The following RBFOX1 variants were observed in gnomAD, a reference collection of about 807,000 sequenced individuals.
RBFOX1 encodes the protein RNA binding protein fox-1 homolog 1.
A neutral mutation model predicts 57.7 loss-of-function variants in RBFOX1; 8 were observed. The ratio of observed to expected loss-of-function variants is 0.14; its 90% CI spans 0.08 to 0.25. The LOEUF is 0.25. RBFOX1 is among the 10% of genes least tolerant of loss of function. The pLI is 1.00. For missense variants in RBFOX1, 611 were observed against 548.5 expected (o/e 1.11, Z -1.14); for synonymous variants, 326 against 222.4 (o/e 1.47, Z -4.15).
chr16:6,094,454 T>C (rs977321314), intron 1 of RBFOX1, among the ~76,000 whole-genome samples: 1 of 152,076 alleles, frequency 6.6e-6, no homozygotes, highest in East Asian at 1.9e-4. Context: ...AATTAATCAC[T>C]CTCTAAAGTC....
At chr16:5,593,282 G>A (rs2047069418) in intron 2 of RBFOX1, among the ~76,000 whole-genome samples, 1 of 151,030 alleles carries the variant, frequency 6.6e-6, no homozygotes, top group Non-Finnish European at 1.5e-5. Context: ...ATAAGTGGGA[G>A]TTGAACAATA....
chr16:5,243,199 G>C (rs1372965838), intron 1 of RBFOX1, among the ~76,000 whole-genome samples: 2 of 152,104 alleles, frequency 1.3e-5, no homozygotes, highest in Non-Finnish European at 2.9e-5. Context: ...CTAGGTATTT[G>C]GTTATCAACC....
intron 3 of RBFOX1, among the ~76,000 whole-genome samples, chr16:5,658,837 T>C (rs1040833592): frequency 1.3e-5 from 2 of 148,356 alleles, no homozygotes; most frequent in Non-Finnish European, 3.0e-5. Context: ...TATATGTATA[T>C]ATATAATATA....
intron 14 of RBFOX1, among the ~76,000 whole-genome samples, chr16:7,701,833 G>A (rs981235041): frequency 2.0e-5 from 3 of 152,192 alleles, no homozygotes; most frequent in Non-Finnish European, 4.4e-5. Flanking sequence ...AAGTGAACAG[G>A]AACATTTCCT....
At chr16:5,521,015 G>A (rs1221841648) in intron 2 of RBFOX1, among the ~76,000 whole-genome samples, 1 of 152,184 alleles carries the variant, frequency 6.6e-6, no homozygotes, top group Admixed American at 6.5e-5. Context: ...TGGAGATTTG[G>A]GGGACATCTG....
intron 3 of RBFOX1, among the ~76,000 whole-genome samples, chr16:5,841,776 C>G (rs1307096267): frequency 6.6e-6 from 1 of 152,192 alleles, no homozygotes; most frequent in Admixed American, 6.5e-5. Context: ...CCTGATGCAG[C>G]CCAGTTCTCA....
chr16:5,930,610 C>G (rs1320167971), intron 4 of RBFOX1, among the ~76,000 whole-genome samples: 9 of 30,710 alleles, frequency 2.9e-4, no homozygotes, highest in South Asian at 1.4e-3. Context: ...GGACGGGTGG[C>G]AGGGTGGATG....
At chr16:6,958,928 C>G (rs1311326658) in intron 3 of RBFOX1, among the ~76,000 whole-genome samples, 1 of 151,994 alleles carries the variant, frequency 6.6e-6, no homozygotes, top group Non-Finnish European at 1.5e-5. Context: ...ATTCTCCATC[C>G]TGACATAGGC....
intron 3 of RBFOX1, among the ~76,000 whole-genome samples, chr16:6,890,209 C>T (rs1490570089): frequency 6.6e-6 from 1 of 152,072 alleles, no homozygotes; most frequent in African/African-American, 2.4e-5. Context: ...TTTTGGTACC[C>T]TAAAATATTG....
At chr16:7,390,951 T>A (rs1016258187) in intron 4 of RBFOX1, among the ~76,000 whole-genome samples, 1 of 152,126 alleles carries the variant, frequency 6.6e-6, no homozygotes, top group Admixed American at 6.5e-5. Context: ...ACTGCCTGTT[T>A]TGCTTGTGTG....
chr16:7,374,472 A>G (rs947719863), intron 4 of RBFOX1, among the ~76,000 whole-genome samples: 7 of 152,234 alleles, frequency 4.6e-5, no homozygotes, highest in Admixed American at 2.0e-4. Flanking sequence ...ATATGGTGTA[A>G]CTGTATCCAG....
At chr16:5,304,291 C>T (rs766209796) in intron 1 of RBFOX1, among the ~76,000 whole-genome samples, 12 of 152,220 alleles carry the variant, frequency 7.9e-5, no homozygotes, top group Non-Finnish European at 1.0e-4. Flanking sequence ...GCATCCTCTG[C>T]TATGCCTTTT....
intron 2 of RBFOX1, among the ~76,000 whole-genome samples, chr16:6,356,280 C>A (rs1350571059): frequency 6.6e-6 from 1 of 152,044 alleles, no homozygotes; most frequent in African/African-American, 2.4e-5. Context: ...AAAAACCTGC[C>A]AAAAACATCC....
chr16:7,005,780 C>T, intron 3 of RBFOX1, among the ~76,000 whole-genome samples: 1 of 152,162 alleles, frequency 6.6e-6, no homozygotes, highest in Middle Eastern at 3.2e-3. Flanking sequence ...GCCTAAATCG[C>T]AAGATGACCA....
chr16:7,351,599 G>T (rs1237760671), intron 4 of RBFOX1, among the ~76,000 whole-genome samples: 1 of 152,196 alleles, frequency 6.6e-6, no homozygotes, highest in South Asian at 2.1e-4. Flanking sequence ...ATGATACTCT[G>T]CTCTTGAGCT....
chr16:6,893,095 C>G (rs979524120), intron 3 of RBFOX1, among the ~76,000 whole-genome samples: 5 of 152,134 alleles, frequency 3.3e-5, no homozygotes, highest in African/African-American at 1.2e-4. Context: ...CTCACCTGAC[C>G]CTCCTAGATT....
chr16:7,694,025 T>C (rs1472356388), intron 14 of RBFOX1, among the ~76,000 whole-genome samples: 1 of 151,882 alleles, frequency 6.6e-6, no homozygotes, highest in Non-Finnish European at 1.5e-5. Context: ...ACACCTGTCT[T>C]TTTTCTTTGA....
chr16:6,321,619 TG>T (rs1299960108), intron 2 of RBFOX1, among the ~76,000 whole-genome samples: 1 of 152,216 alleles, frequency 6.6e-6, no homozygotes, highest in Non-Finnish European at 1.5e-5. Context: ...ATTATTTCCA[TG>T]GCATCTACTG....
chr16:6,877,424 CAG>C (rs2062046915), intron 3 of RBFOX1, among the ~76,000 whole-genome samples: 1 of 152,066 alleles, frequency 6.6e-6, no homozygotes, highest in Admixed American at 6.5e-5. Context: ...TATTAAATCA[CAG>C]AGACAAGCAA....
Sources: gnomAD v4.1 joint callset for allele counts (sites outside exome capture counted in the v4.1 genomes callset) on GRCh38, gnomAD v4.1.1 for gene constraint, MANE v1.5 for transcripts, NCBI Gene and HGNC (gene_info 2026-07-23, HGNC 2026-07-21) for gene names.